PRKN: variants seen among roughly 807,000 people sequenced by gnomAD.
The protein encoded by PRKN is parkin RBR E3 ubiquitin protein ligase, also known as E3 ubiquitin-protein ligase parkin.
PRKN carries 56 observed loss-of-function variants against 59.5 expected under a neutral mutation model. The ratio of observed to expected loss-of-function variants is 0.94; its 90% CI spans 0.76 to 1.18. The LOEUF (loss-of-function observed/expected upper bound fraction) is 1.18, where lower values mean the gene tolerates loss of function less well. PRKN is among the 50% of genes most tolerant of loss of function. The probability of loss-of-function intolerance (pLI) is 0.00; values close to 1 mark genes in which losing one functional copy is unlikely to be tolerated. For missense variants in PRKN, 657 were observed against 596.4 expected (o/e 1.10, Z -1.06); for synonymous variants, 250 against 222.1 (o/e 1.13, Z -1.12).
intron 1 of PRKN, among the ~76,000 whole-genome samples, chr6:162,521,928 G>A (rs1778093199): frequency 6.6e-6 from 1 of 152,006 alleles, no homozygotes; most frequent in Non-Finnish European, 1.5e-5. Context: ...CAGTATTATT[G>A]TTTTCAAATC....
At position 161,390,726 on chromosome 6, in the gene PRKN, T is replaced by C. The variant is rs1786468437; in HGVS notation, c.1084-3849A>G. Among the ~76,000 whole-genome samples the C allele has an allele frequency of 6.6e-6, 1 of 152,070 alleles. No individual in the cohort carries two copies. Among genetic ancestry groups the C allele is most frequent in the South Asian group, 2.1e-4 (1 of 4,828 alleles). Reference sequence around the variant, plus strand: ...CTGGTCTTGAACTCCTGACCTCAGGTGATCCACCCGCCTCGGCCTCCCAAA... The same window carrying C: ...CTGGTCTTGAACTCCTGACCTCAGGCGATCCACCCGCCTCGGCCTCCCAAA... On this transcript the variant is annotated intron_variant, in intron 9 of 11. Transcript: ENST00000366898. The surrounding 1 kb of genome is among the most constrained non-coding windows in gnomAD (Gnocchi z 7.0).
At chr6:162,306,104 C>T (rs1191677961) in intron 2 of PRKN, among the ~76,000 whole-genome samples, 2 of 151,772 alleles carry the variant, frequency 1.3e-5, no homozygotes, top group South Asian at 2.1e-4. Flanking sequence ...TCATAAGTTC[C>T]CTTTCTCCCA....
At chr6:162,102,356 C>T (rs915222902) in intron 4 of PRKN, among the ~76,000 whole-genome samples, 68 of 152,190 alleles carry the variant, frequency 4.5e-4, no homozygotes, top group African/African-American at 1.6e-3. Context: ...GGTGCCATGT[C>T]TCTTTTGGTC....
intron 7 of PRKN, among the ~76,000 whole-genome samples, chr6:161,612,456 C>G: frequency 6.6e-6 from 1 of 152,016 alleles, no homozygotes; most frequent in Non-Finnish European, 1.5e-5. Context: ...CGCGGTGGCT[C>G]ACACCCATAA....
chr6:161,879,376 C>T (rs1363459028), intron 6 of PRKN, among the ~76,000 whole-genome samples: 1 of 125,008 alleles, frequency 8.0e-6, no homozygotes, highest in African/African-American at 3.3e-5. Context: ...TGGAGTCTTG[C>T]TCTGTTGCCC....
chr6:162,314,953 G>T (rs1782684064), intron 2 of PRKN, among the ~76,000 whole-genome samples: 1 of 152,146 alleles, frequency 6.6e-6, no homozygotes, highest in Admixed American at 6.5e-5. Flanking sequence ...TTTTCGAAAT[G>T]ATCTTTGTGC....
chr6:161,986,079 T>C (rs554710765), intron 5 of PRKN, among the ~76,000 whole-genome samples: 33 of 152,328 alleles, frequency 2.2e-4, no homozygotes, highest in Non-Finnish European at 4.6e-4. Context: ...ACCATTGCCA[T>C]GGCAACATCC....
rs1332347154 is a variant in PRKN, at chr6:161,977,552, T to G, written c.619-4135A>C. On this transcript the variant is annotated intron_variant, in intron 5 of 11. Coordinates refer to ENST00000366898, the MANE Select transcript of PRKN (RefSeq NM_004562.3). ...CTTTCTGTTTTTTTGGTTTTTTTTTTTTTTTTTTTTTTTAAGACAGAGTCT... is the reference window on the plus strand; with the variant it reads ...CTTTCTGTTTTTTTGGTTTTTTTTTGTTTTTTTTTTTTTAAGACAGAGTCT... Among the ~76,000 whole-genome samples, 29 of 146,834 alleles carry G rather than the reference T, an allele frequency of 2.0e-4. 1 individual carries two copies. The highest frequency in any genetic ancestry group is 3.3e-4 in the Non-Finnish European group (22 of 66,654).
At chr6:162,089,233 C>T (rs61475387) in intron 4 of PRKN, among the ~76,000 whole-genome samples, 10,596 of 152,084 alleles carry the variant, frequency 0.07, 498 homozygotes, top group African/African-American at 0.12. Flanking sequence ...AAAAAATGGG[C>T]AAAGAATCTG....
rs1366100944 is a variant in PRKN at position 161,359,265 on chromosome 6, T to C, written c.1285+823A>G. On this transcript the variant is annotated intron_variant, in intron 11 of 11. Coordinates refer to ENST00000366898, the MANE Select transcript of PRKN (RefSeq NM_004562.3). This position sits in a 1 kb window ranked among gnomAD's most constrained non-coding sequence, Gnocchi z 5.4. ...TAAGCCAGCACCTGCGGCTCTGGGATGTGTTCAAGCACCGTCTTGTTTGTA... is the reference window on the plus strand; with the variant it reads ...TAAGCCAGCACCTGCGGCTCTGGGACGTGTTCAAGCACCGTCTTGTTTGTA... Among the ~76,000 whole-genome samples the C allele has an allele frequency of 6.6e-6, 1 of 152,180 alleles. No homozygotes were observed. The highest frequency in any genetic ancestry group is 1.5e-5 in the Non-Finnish European group (1 of 68,032).
intron 9 of PRKN, among the ~76,000 whole-genome samples, chr6:161,520,009 A>G (rs957355297): frequency 6.6e-6 from 1 of 152,122 alleles, no homozygotes; most frequent in Non-Finnish European, 1.5e-5. Context: ...GAGGGTGGGG[A>G]GGAGGAATAG....
intron 5 of PRKN, among the ~76,000 whole-genome samples, chr6:162,047,977 CATTATTT>C (rs1166048345): frequency 6.6e-6 from 1 of 152,060 alleles, no homozygotes; most frequent in Non-Finnish European, 1.5e-5. Flanking sequence ...TTAATAGTTA[CATTATTT>C]ATTATAGTTC....
chr6:162,312,141 T>G (rs1422970168), intron 2 of PRKN, among the ~76,000 whole-genome samples: 1 of 152,102 alleles, frequency 6.6e-6, no homozygotes. Context: ...AGATAACAAA[T>G]GGGTCTTTTC....
At chr6:162,001,784 G>A (rs1455489266) in intron 5 of PRKN, among the ~76,000 whole-genome samples, 1 of 149,772 alleles carries the variant, frequency 6.7e-6, no homozygotes, top group Non-Finnish European at 1.5e-5. Context: ...CCCACTGTAG[G>A]TTTTTTGTAG....
chr6:161,593,959 G>A lies in PRKN; in HGVS notation c.872-24543C>T, dbSNP rs1030497285. 6.6e-6 allele frequency among the ~76,000 whole-genome samples: 1 copy of A among 151,564 alleles called. No individual in the cohort carries two copies. Among genetic ancestry groups the A allele is most frequent in the Non-Finnish European group, 1.5e-5 (1 of 67,920 alleles). On this transcript the variant is annotated intron_variant, in intron 7 of 11. Coordinates refer to ENST00000366898, the MANE Select transcript of PRKN (RefSeq NM_004562.3). This position sits in a 1 kb window ranked among gnomAD's most constrained non-coding sequence, Gnocchi z 4.8. Reference sequence around the variant, plus strand: ...GAGGTCAGGAGTTTGAGACCAGCCTGGCCAACATAGTGAAACCCCATCTCT... The same window carrying A: ...GAGGTCAGGAGTTTGAGACCAGCCTAGCCAACATAGTGAAACCCCATCTCT...
At chr6:162,145,105 C>G (rs925973098) in intron 4 of PRKN, among the ~76,000 whole-genome samples, 3 of 152,082 alleles carry the variant, frequency 2.0e-5, no homozygotes, top group Non-Finnish European at 2.9e-5. Flanking sequence ...CACTTCAACG[C>G]AATTTATTAC....
chr6:161,815,701 C>T (rs1214253152), intron 6 of PRKN, among the ~76,000 whole-genome samples: 2 of 152,140 alleles, frequency 1.3e-5, no homozygotes, highest in South Asian at 2.1e-4. Flanking sequence ...AGTGGCCAGG[C>T]CCTGGTTCAG....
At chr6:162,359,075 A>ATATATATAT (rs201414794) in intron 2 of PRKN, among the ~76,000 whole-genome samples, 34 of 101,092 alleles carry the variant, frequency 3.4e-4, no homozygotes, top group Non-Finnish European at 4.9e-4. Flanking sequence ...AAAAAAAAAA[A>ATATATATAT]AAAAATATAT....
intron 2 of PRKN, among the ~76,000 whole-genome samples, chr6:162,263,498 T>G (rs769483777): frequency 2.0e-5 from 3 of 152,158 alleles, no homozygotes; most frequent in Non-Finnish European, 4.4e-5. Context: ...TTCTGACGAT[T>G]TAACCATGAA....
Sources: allele counts gnomAD v4.1 joint callset (sites outside exome capture counted in the v4.1 genomes callset), GRCh38; gene constraint gnomAD v4.1.1; non-coding constraint Gnocchi (gnomAD v3.1); transcripts MANE v1.5; gene names NCBI Gene and HGNC (gene_info 2026-07-23, HGNC 2026-07-21).